SESN3: variants seen among roughly 807,000 people sequenced by gnomAD.
SESN3 encodes the protein sestrin-3.
Under a neutral mutation model 55.3 loss-of-function variants are expected in SESN3, and 21 were observed. That is an observed-to-expected ratio of 0.38 (90% confidence interval 0.27 to 0.55). SESN3 has a LOEUF of 0.55. Among genes scored for constraint, SESN3 ranks in the 20% least tolerant of loss-of-function variants. SESN3 has a pLI of 0.76. For missense variants in SESN3, 408 were observed against 604.3 expected (o/e 0.68, Z 3.41); for synonymous variants, 181 against 203.1 (o/e 0.89, Z 0.93).
intron 1 of SESN3, among the ~76,000 whole-genome samples, chr11:95,205,240 A>C (rs1860527067): frequency 6.6e-6 from 1 of 152,222 alleles, no homozygotes; most frequent in Admixed American, 6.5e-5. Context: ...TGTCAGAGTA[A>C]AGAGCTTTGA....
At chr11:95,174,993 T>C (rs537374531) in intron 9 of SESN3, among the ~76,000 whole-genome samples, 1 of 152,312 alleles carries the variant, frequency 6.6e-6, no homozygotes, top group East Asian at 1.9e-4. Context: ...TGAAATGTTG[T>C]ATTAGGTATA....
intron 6 of SESN3, chr11:95,182,160 A>T: frequency 3.1e-6 from 1 of 324,110 alleles, no homozygotes; most frequent in South Asian, 2.6e-5. Flanking sequence ...GTATATTTTT[A>T]ATATTTCAAA....
chr11:95,231,175 C>A lies in SESN3; in HGVS notation c.-315G>T. On this transcript the variant is annotated 5_prime_UTR_variant, in exon 1 of 10. Transcript: ENST00000536441. Reference sequence around the variant, plus strand: ...GAGCAGCCGCCACCGCTGCCACCGCCACCACCGCCGCCGCAGCGCCTCAGT... The same window carrying A: ...GAGCAGCCGCCACCGCTGCCACCGCAACCACCGCCGCCGCAGCGCCTCAGT... 1 of 413,204 alleles carries A rather than the reference C, an allele frequency of 2.4e-6. No individual in the cohort carries two copies. Among genetic ancestry groups the A allele is most frequent in the Non-Finnish European group, 4.2e-6 (1 of 236,440 alleles). The allele number at this position is 413,204 out of a possible 1,614,324, so 25.6% of individuals were successfully genotyped here. A position where few individuals can be genotyped will look rare whatever the true frequency, so the allele number is the denominator to read the frequency against.
intron 1 of SESN3, among the ~76,000 whole-genome samples, chr11:95,211,961 T>C (rs1052798894): frequency 6.6e-6 from 1 of 152,038 alleles, no homozygotes; most frequent in African/African-American, 2.4e-5. Context: ...AAATGACCCA[T>C]CCTATTAGAA....
intron 1 of SESN3, among the ~76,000 whole-genome samples, chr11:95,207,966 A>G (rs1258891123): frequency 6.6e-6 from 1 of 151,280 alleles, no homozygotes; most frequent in African/African-American, 2.4e-5. Flanking sequence ...GAGCCACCAC[A>G]CCCAGCTAAT....
intron 1 of SESN3, among the ~76,000 whole-genome samples, chr11:95,222,731 A>G (rs1244709520): frequency 2.0e-5 from 3 of 152,220 alleles, no homozygotes; most frequent in Non-Finnish European, 4.4e-5. Flanking sequence ...GAGAAGGAAG[A>G]GTTGGAAGAT....
chr11:95,220,336 A>G (rs538946814), intron 1 of SESN3, among the ~76,000 whole-genome samples: 18 of 152,318 alleles, frequency 1.2e-4, no homozygotes, highest in African/African-American at 3.6e-4. Flanking sequence ...TTTCCAGATA[A>G]TATCTTTTGT....
intron 1 of SESN3, among the ~76,000 whole-genome samples, chr11:95,199,439 A>G (rs920107343): frequency 3.3e-5 from 5 of 152,114 alleles, no homozygotes; most frequent in African/African-American, 9.6e-5. Context: ...AAAACAAAAC[A>G]CTGAAAGGAT....
At chr11:95,221,524 C>T (rs901712947) in intron 1 of SESN3, among the ~76,000 whole-genome samples, 1 of 152,148 alleles carries the variant, frequency 6.6e-6, no homozygotes, top group African/African-American at 2.4e-5. Flanking sequence ...TATCCTTCCA[C>T]TACAAGTAGC....
chr11:95,230,728 G>T lies in SESN3; in HGVS notation c.78+55C>A. 7.1e-7 allele frequency: 1 copy of T among 1,403,968 alleles called. No homozygotes were observed. The highest frequency in any genetic ancestry group is 9.9e-7 in the Non-Finnish European group (1 of 1,007,534). 87.0% of individuals were successfully genotyped at this position (1,403,968 alleles called of 1,614,324 possible). A position where few individuals can be genotyped will look rare whatever the true frequency, so the allele number is the denominator to read the frequency against. ...GCGCGCCCGGGGACGAGCCGCCCGA[G>T]CCCCGGCCGGCAGGAAGCGACCCTC... On this transcript the variant is annotated intron_variant, in intron 1 of 9. Transcript: ENST00000536441. This position sits in a 1 kb window ranked among gnomAD's most constrained non-coding sequence, Gnocchi z 4.6.
intron 5 of SESN3, among the ~76,000 whole-genome samples, chr11:95,184,915 C>T (rs910768290): frequency 2.6e-5 from 4 of 151,822 alleles, no homozygotes; most frequent in Non-Finnish European, 4.4e-5. Context: ...TTACTTTTTG[C>T]TGTCATAAGG....
intron 1 of SESN3, among the ~76,000 whole-genome samples, chr11:95,221,689 A>G (rs1203839795): frequency 6.6e-6 from 1 of 152,238 alleles, no homozygotes; most frequent in Non-Finnish European, 1.5e-5. Flanking sequence ...TTTTCAATAC[A>G]TTCTTTGTAA....
At position 95,166,770 on chromosome 11, in the gene SESN3, A is replaced by G. The variant is rs1472024063; in HGVS notation, c.*6485T>C. The G allele has an allele frequency of 6.6e-6, 1 of 152,224 alleles. No individual in the cohort carries two copies. Among genetic ancestry groups the G allele is most frequent in the African/African-American group, 2.4e-5 (1 of 41,468 alleles). 9.4% of individuals were successfully genotyped at this position (152,224 alleles called of 1,614,324 possible). On this transcript the variant is annotated 3_prime_UTR_variant, in exon 10 of 10. Transcript: ENST00000536441. ...ACTAGTAGCACTGAGAAGATGCCAA[A>G]CTGGCTGTGGTTTGCTTTCTATGTC...
rs1859843884 is a variant in SESN3, at chr11:95,171,230, CTAAA to C, written c.*2021_*2024del. ...TTGCCATTTGTGTTTTGCCATTCTC[CTAAA>C]TATTTTCTTTGTATTACATATCTAC... On this transcript the variant is annotated 3_prime_UTR_variant, in exon 10 of 10. Coordinates refer to ENST00000536441, the MANE Select transcript of SESN3 (RefSeq NM_144665.4). The C allele has an allele frequency of 1.3e-5, 2 of 152,060 alleles. No homozygotes were observed. The highest frequency in any genetic ancestry group is 4.8e-5 in the African/African-American group (2 of 41,418). The allele number at this position is 152,060 out of a possible 1,614,324, so 9.4% of individuals were successfully genotyped here.
intron 1 of SESN3, among the ~76,000 whole-genome samples, chr11:95,199,623 C>T (rs1016021341): frequency 6.6e-5 from 10 of 151,766 alleles, no homozygotes; most frequent in African/African-American, 2.4e-4. Context: ...AATTACTTGC[C>T]CCTAAAAAGA....
Position 95,230,679 on chromosome 11 carries a change from G to A in SESN3, c.78+104C>T, listed in dbSNP as rs909929306. 1 of 777,756 alleles carries A rather than the reference G, an allele frequency of 1.3e-6. No homozygotes were observed. The highest frequency in any genetic ancestry group is 2.8e-5 in the East Asian group (1 of 35,892). 48.2% of individuals were successfully genotyped at this position (777,756 alleles called of 1,614,324 possible). ...GTCCCTGCGGAGGGACGGTGCCCGG[G>A]GATCCCTCTCAGCCTCCCCCAGTGC... On this transcript the variant is annotated intron_variant, in intron 1 of 9. Transcript: ENST00000536441. The surrounding 1 kb of genome is among the most constrained non-coding windows in gnomAD (Gnocchi z 4.6).
At chr11:95,186,746 ATAAAAT>A (rs1467592322) in intron 4 of SESN3, among the ~76,000 whole-genome samples, 2 of 152,046 alleles carry the variant, frequency 1.3e-5, no homozygotes, top group Admixed American at 1.3e-4. Context: ...TAATTAAAAA[ATAAAAT>A]TTAAAAAGTG....
chr11:95,183,410 C>T (rs1439014814), intron 6 of SESN3, among the ~76,000 whole-genome samples: 1 of 152,020 alleles, frequency 6.6e-6, no homozygotes, highest in South Asian at 2.1e-4. Context: ...AAACTGAGAA[C>T]TACTGATCAA....
chr11:95,170,341 T>C lies in SESN3; in HGVS notation c.*2914A>G, dbSNP rs1442581918. On this transcript the variant is annotated 3_prime_UTR_variant, in exon 10 of 10. Coordinates refer to ENST00000536441, the MANE Select transcript of SESN3 (RefSeq NM_144665.4). The stretch of plus-strand genomic sequence containing the variant: ...CTTGAAATTCCAAAGTAAATAGACA[T>C]TATTCAAGCATACACATCAGTGGAC... 6.6e-6 allele frequency: 1 copy of C among 152,206 alleles called. No individual in the cohort carries two copies. Among genetic ancestry groups the C allele is most frequent in the Non-Finnish European group, 1.5e-5 (1 of 68,030 alleles). 9.4% of individuals were successfully genotyped at this position (152,206 alleles called of 1,614,324 possible). A position where few individuals can be genotyped will look rare whatever the true frequency, so the allele number is the denominator to read the frequency against.
Sources: allele counts gnomAD v4.1 joint callset (sites outside exome capture counted in the v4.1 genomes callset), GRCh38; gene constraint gnomAD v4.1.1; non-coding constraint Gnocchi (gnomAD v3.1); transcripts MANE v1.5; gene names NCBI Gene and HGNC (gene_info 2026-07-23, HGNC 2026-07-21).